MTG1: variants seen among roughly 807,000 people sequenced by gnomAD.
MTG1 encodes the protein mitochondrial ribosome-associated GTPase 1.
MTG1 carries 30 observed loss-of-function variants against 39.5 expected under a neutral mutation model. That is an observed-to-expected ratio of 0.76 (90% CI 0.57 to 1.03). MTG1 has a LOEUF of 1.03. Among genes scored for constraint, MTG1 ranks in the 50% least tolerant of loss-of-function variants. The pLI is 0.00. For missense variants in MTG1, 513 were observed against 447.4 expected, an observed-to-expected ratio of 1.15 and a Z score of -1.32; for synonymous variants, 217 against 179.0, an observed-to-expected ratio of 1.21 and a Z score of -1.69.
rs557514959 is a variant in MTG1, at chr10:133,413,207, T to G, written c.753-6273T>G. Among the ~76,000 whole-genome samples, 570 of 152,250 alleles carry G rather than the reference T, an allele frequency of 3.7e-3. 2 individuals are homozygous for G. The highest frequency in any genetic ancestry group is 5.8e-3 in the Non-Finnish European group (395 of 68,022). The stretch of plus-strand genomic sequence containing the variant: ...CTCACTGCAACCTCCGCCTCCTGGG[T>G]TCAAATGATTTTCATGCCTCAGTCT... On this transcript the variant is annotated intron_variant, in intron 9 of 10. Transcript: ENST00000317502.
intron 9 of MTG1, among the ~76,000 whole-genome samples, chr10:133,417,891 A>T (rs1196716583): frequency 6.6e-6 from 1 of 152,248 alleles, no homozygotes; most frequent in African/African-American, 2.4e-5. Context: ...AAACAAATGG[A>T]AGAACATTCC....
intron 9 of MTG1, among the ~76,000 whole-genome samples, chr10:133,415,388 G>A (rs989641897): frequency 1.3e-5 from 2 of 152,220 alleles, no homozygotes; most frequent in Admixed American, 1.3e-4. Context: ...GTTGTCTGAA[G>A]ATGTCTTTAT....
chr10:133,418,837 G>T (rs1850176889), intron 9 of MTG1, among the ~76,000 whole-genome samples: 1 of 152,188 alleles, frequency 6.6e-6, no homozygotes. Context: ...CCCTGTGAGT[G>T]GCTGCTCTGT....
In MTG1 at chr10:133,402,503, G is replaced by A. The variant is rs1035118358; in HGVS notation, c.671-189G>A. The A allele has an allele frequency of 2.9e-5, 20 of 694,854 alleles. No homozygotes were observed. In the Middle Eastern group the frequency reaches 1.2e-3, roughly 42 times the overall value. 43.0% of individuals were successfully genotyped at this position (694,854 alleles called of 1,614,324 possible). A position where few individuals can be genotyped will look rare whatever the true frequency, so the allele number is the denominator to read the frequency against. On this transcript the variant is annotated intron_variant, in intron 8 of 10. Transcript: ENST00000317502. This position sits in a 1 kb window ranked among gnomAD's most constrained non-coding sequence, Gnocchi z 4.7. ...GACCAGGGCAGAGAGGTTGGTCGCA[G>A]GTGCCAGGCAGGAGTGGGGGCCGGG...
chr10:133,414,902 G>A (rs1253648324), intron 9 of MTG1, among the ~76,000 whole-genome samples: 1 of 152,256 alleles, frequency 6.6e-6, no homozygotes, highest in African/African-American at 2.4e-5. Flanking sequence ...ACGAGACTCC[G>A]TCTGCAATCC....
At chr10:133,414,544 G>A (rs1850093202) in intron 9 of MTG1, among the ~76,000 whole-genome samples, 1 of 151,856 alleles carries the variant, frequency 6.6e-6, no homozygotes, top group South Asian at 2.1e-4. Flanking sequence ...GCCGGGCAGA[G>A]GCGCTCCCCA....
At position 133,394,240 on chromosome 10, in the gene MTG1, C is replaced by G. The variant is rs1456495420; in HGVS notation, c.20C>G (p.Ala7Gly). 3 of 1,515,360 alleles carry G rather than the reference C, an allele frequency of 2.0e-6. No homozygotes were observed. The highest frequency in any genetic ancestry group is 2.6e-6 in the Non-Finnish European group (3 of 1,136,474). The allele number at this position is 1,515,360 out of a possible 1,614,324, so 93.9% of individuals were successfully genotyped here. Residue 7 changes from alanine to glycine, a missense_variant, in exon 1 of 11, where the codon GCG (alanine) becomes GGG (glycine). Coordinates refer to ENST00000317502, the MANE Select transcript of MTG1 (RefSeq NM_138384.4). MRLTPR[A>G]LCSAAQAAWR... ...GCCGCCATGAGATTGACCCCGCGCG[C>G]GCTGTGCAGCGCCGCCCAGGCCGCC...
At chr10:133,396,322 C>A in intron 3 of MTG1, 55 bp downstream of exon 3, 1 of 1,481,840 alleles carries the variant, frequency 6.7e-7, no homozygotes, top group South Asian at 1.1e-5. Context: ...TTCCCGAGGT[C>A]GCTTGTTCTA....
At chr10:133,417,095 T>A (rs1850143797) in intron 9 of MTG1, among the ~76,000 whole-genome samples, 1 of 151,920 alleles carries the variant, frequency 6.6e-6, no homozygotes, top group Non-Finnish European at 1.5e-5. Context: ...TGATTGCCAT[T>A]CTAACTGGTG....
At position 133,420,120 on chromosome 10, in the gene MTG1, C is replaced by A; in HGVS notation, c.960C>A (p.Asp320Glu). 1 of 1,613,288 alleles carries A rather than the reference C, an allele frequency of 6.2e-7. No homozygotes were observed. Reference sequence around the variant, plus strand: ...GGCTGCTGGGTTCCGTGATGCTGGACCTCGACGTCCTGCGGGGCCACCCCC... The same window carrying A: ...GGCTGCTGGGTTCCGTGATGCTGGAACTCGACGTCCTGCGGGGCCACCCCC... ...RRGLLGSVML[D>E]LDVLRGHPPA... The change falls in exon 11 of 11, where the codon GAC (aspartate) becomes GAA (glutamate). Residue 320 changes from aspartate to glutamate, a missense_variant. By Grantham distance (45) the Asp-to-Glu change is conservative (BLOSUM62 2). Transcript: ENST00000317502.
In MTG1 at chr10:133,420,826, G is replaced by A. The variant is rs1047585146; in HGVS notation, c.*661G>A. On this transcript the variant is annotated 3_prime_UTR_variant, in exon 11 of 11. Coordinates refer to ENST00000317502, the MANE Select transcript of MTG1 (RefSeq NM_138384.4). The stretch of plus-strand genomic sequence containing the variant: ...CCTGCACATGGCTTTGCTGTGCAAT[G>A]ACTGGAAGGCCGCCCGGCATGGGCA... 6.6e-6 allele frequency: 1 copy of A among 152,502 alleles called. No individual in the cohort carries two copies. Among genetic ancestry groups the A allele is most frequent in the South Asian group, 2.1e-4 (1 of 4,834 alleles). The allele number at this position is 152,502 out of a possible 1,614,324, so 9.4% of individuals were successfully genotyped here. A position where few individuals can be genotyped will look rare whatever the true frequency, so the allele number is the denominator to read the frequency against.
chr10:133,394,871 C>A, intron 1 of MTG1: 3 of 424,478 alleles, frequency 7.1e-6, no homozygotes, highest in Non-Finnish European at 6.3e-6. Flanking sequence ...GTTGTGATGG[C>A]CACTCCTGCG....
At chr10:133,399,868 G>A (rs1403730671) in intron 6 of MTG1, 9 of 460,894 alleles carry the variant, frequency 2.0e-5, no homozygotes, top group East Asian at 7.1e-5. Flanking sequence ...CATGAAGATG[G>A]CTTTTCTAAA....
In MTG1 at chr10:133,394,321, A is replaced by C. The variant is rs1376954865; in HGVS notation, c.101A>C (p.His34Pro). ...GRDVARWFPGHMAKGLKKMQS... is the reference protein window; with the variant it reads ...GRDVARWFPGPMAKGLKKMQS... ...GACGTGGCGCGCTGGTTCCCGGGCC[A>C]CATGGCCAAGGGTGAGGCACGGCGG... The change falls in exon 1 of 11, where the codon CAC (histidine) becomes CCC (proline). Residue 34 changes from histidine to proline, a missense_variant. His to Pro is a moderately conservative substitution (Grantham distance 77, BLOSUM62 -2). Transcript: ENST00000317502. 6.6e-7 allele frequency: 1 copy of C among 1,509,618 alleles called. No individual in the cohort carries two copies. Among genetic ancestry groups the C allele is most frequent in the Non-Finnish European group, 8.8e-7 (1 of 1,133,536 alleles). 93.5% of individuals were successfully genotyped at this position (1,509,618 alleles called of 1,614,324 possible).
intron 9 of MTG1, among the ~76,000 whole-genome samples, chr10:133,405,981 A>C (rs764370061): frequency 6.6e-6 from 1 of 152,222 alleles, no homozygotes; most frequent in Non-Finnish European, 1.5e-5. Context: ...CTTTCTCTAC[A>C]TCCTCAACAG....
chr10:133,397,724 C>T (rs1399159156), intron 3 of MTG1, among the ~76,000 whole-genome samples: 4 of 151,236 alleles, frequency 2.6e-5, no homozygotes, highest in Middle Eastern at 7.0e-3. Flanking sequence ...ATGATCCGCC[C>T]GCCTCGGCCT....
intron 9 of MTG1, among the ~76,000 whole-genome samples, chr10:133,412,149 C>T (rs1414588811): frequency 2.0e-5 from 3 of 151,950 alleles, no homozygotes; most frequent in African/African-American, 7.3e-5. Flanking sequence ...GTCTCATCCT[C>T]AGATTTGAGT....
At position 133,401,539 on chromosome 10, in the gene MTG1, C is replaced by T; in HGVS notation, c.522C>T (p.Thr174=). Residue 174 remains threonine (T), a synonymous_variant, in exon 7 of 11, where the codon ACC becomes ACT. Transcript: ENST00000317502. ...RRQHLRKGKA[T]RVGGEPGITR... is the part of the protein sequence containing the mutation. ...CTCCTTTTCCTACAGGGAAAGCCAC[C>T]AGGGTGGGTGGCGAGCCTGGGATCA... is the stretch of plus-strand genomic sequence containing the variant. 1.3e-6 allele frequency: 2 copies of T among 1,582,716 alleles called. No individual in the cohort carries two copies. The highest frequency in any genetic ancestry group is 2.2e-5 in the East Asian group (1 of 44,462).
chr10:133,400,124 G>A (rs1423534929), intron 6 of MTG1, among the ~76,000 whole-genome samples: 2 of 152,238 alleles, frequency 1.3e-5, no homozygotes, highest in Admixed American at 6.5e-5. Flanking sequence ...CCCGGGAGGC[G>A]GAGCTTGCAG....
Sources: gnomAD v4.1 joint callset for allele counts (sites outside exome capture counted in the v4.1 genomes callset) on GRCh38, gnomAD v4.1.1 for gene constraint, Gnocchi (gnomAD v3.1) non-coding constraint, MANE v1.5 for transcripts, NCBI Gene and HGNC (gene_info 2026-07-23, HGNC 2026-07-21) for gene names.